TRIO: variants seen among roughly 807,000 people sequenced by gnomAD.
TRIO encodes the protein triple functional domain protein.
A neutral mutation model predicts 351.9 loss-of-function variants in TRIO; 58 were observed. The observed-to-expected ratio is 0.16, with a 90% CI of 0.13 to 0.21. TRIO has a LOEUF of 0.21. TRIO is among the 10% of genes least tolerant of loss of function. TRIO has a pLI of 1.00. For synonymous variants in TRIO, 1,758 were observed against 1,595.7 expected (o/e 1.10, Z -2.42); for missense variants, 3,201 against 4,027.8 (o/e 0.79, Z 5.56).
At chr5:14,410,094 G>A (rs1193704797) in intron 33 of TRIO, among the ~76,000 whole-genome samples, 1 of 152,208 alleles carries the variant, frequency 6.6e-6, no homozygotes, top group African/African-American at 2.4e-5. Flanking sequence ...AGCACAGAAA[G>A]GATGAAATGT....
At chr5:14,289,806 G>A (rs761732146) in intron 4 of TRIO, among the ~76,000 whole-genome samples, 6 of 151,650 alleles carry the variant, frequency 4.0e-5, no homozygotes, top group African/African-American at 7.3e-5. Context: ...CTGAGACTGC[G>A]CCACTGCACT....
chr5:14,185,011 C>A (rs1019133869), intron 1 of TRIO, among the ~76,000 whole-genome samples: 1 of 152,150 alleles, frequency 6.6e-6, no homozygotes. Flanking sequence ...CCATCTCAGT[C>A]GTCCATGACT....
chr5:14,149,650 C>T lies in TRIO; in HGVS notation c.157+5768C>T, dbSNP rs1243742816. On this transcript the variant is annotated intron_variant, in intron 1 of 56. Transcript: ENST00000344204. ...GCAGAGGGGCTGTGGAAATGTAAAACCTCGTTTTGGTGATGAACATACTTG... is the reference window on the plus strand; with the variant it reads ...GCAGAGGGGCTGTGGAAATGTAAAATCTCGTTTTGGTGATGAACATACTTG... Among the ~76,000 whole-genome samples, 3 of 152,144 alleles carry T rather than the reference C, an allele frequency of 2.0e-5. No individual in the cohort carries two copies. In the East Asian group the frequency reaches 5.8e-4, roughly 29 times the overall value.
chr5:14,472,467 TA>T (rs1754759621), intron 38 of TRIO, 124 bp from the exon 39 acceptor site: 3 of 1,028,668 alleles, frequency 2.9e-6, no homozygotes, highest in South Asian at 3.2e-5. Context: ...ATTTAACACC[TA>T]AATGTACAAA....
chr5:14,191,568 T>C (rs1443324966), intron 1 of TRIO, among the ~76,000 whole-genome samples: 1 of 149,534 alleles, frequency 6.7e-6, no homozygotes, highest in Non-Finnish European at 1.5e-5. Flanking sequence ...GTAGTAGTAG[T>C]ACATCTTCTA....
intron 16 of TRIO, among the ~76,000 whole-genome samples, chr5:14,367,824 C>T (rs938116372): frequency 1.1e-4 from 16 of 152,286 alleles, no homozygotes; most frequent in African/African-American, 3.6e-4. Flanking sequence ...CATGCATTAA[C>T]ACCTCTTCCT....
intron 9 of TRIO, among the ~76,000 whole-genome samples, chr5:14,329,555 T>C (rs1368879354): frequency 2.6e-5 from 4 of 152,204 alleles, no homozygotes; most frequent in African/African-American, 7.2e-5. Context: ...AAGCCCTACA[T>C]TTCTGTTGTT....
intron 34 of TRIO, among the ~76,000 whole-genome samples, chr5:14,440,022 G>T (rs1448635658): frequency 5.3e-5 from 8 of 152,138 alleles, no homozygotes; most frequent in Non-Finnish European, 1.2e-4. Context: ...TGGAGGTGGG[G>T]ACAAAACCAA....
chr5:14,235,343 C>A (rs912711983), intron 1 of TRIO, among the ~76,000 whole-genome samples: 8 of 152,164 alleles, frequency 5.3e-5, no homozygotes, highest in African/African-American at 1.9e-4. Flanking sequence ...AAAATTTAGG[C>A]TCTGGGTTGA....
chr5:14,326,874 C>A (rs1195939010), intron 9 of TRIO, among the ~76,000 whole-genome samples: 1 of 152,168 alleles, frequency 6.6e-6, no homozygotes, highest in African/African-American at 2.4e-5. Context: ...GAATCAACAG[C>A]CTCATGGGGA....
Position 14,291,166 on chromosome 5 carries a change from G to T in TRIO, c.991G>T (p.Val331Leu). The T allele has an allele frequency of 6.2e-7, 1 of 1,614,206 alleles. No individual in the cohort carries two copies. The highest frequency in any genetic ancestry group is 1.1e-5 in the South Asian group (1 of 91,082). ...TRQHLHQMWHVRKLKLDQCFQ... is the reference protein window; with the variant it reads ...TRQHLHQMWHLRKLKLDQCFQ... Reference sequence around the variant, plus strand: ...GCAGCATCTGCACCAGATGTGGCATGTGAGGAAGCTGAAGCTGGACCAGTG... The same window carrying T: ...GCAGCATCTGCACCAGATGTGGCATTTGAGGAAGCTGAAGCTGGACCAGTG... The change falls in exon 5 of 57, where the codon GTG becomes TTG. Residue 331 changes from valine to leucine, a missense_variant. This residue lies in a region of TRIO where 349 missense variants were observed against 449.3 expected (regional missense o/e 0.78). Transcript: ENST00000344204.
chr5:14,414,161 C>A (rs77119015), intron 33 of TRIO, among the ~76,000 whole-genome samples: 1 of 152,204 alleles, frequency 6.6e-6, no homozygotes, highest in East Asian at 1.9e-4. Flanking sequence ...TTTGCCTCTT[C>A]CCCGCCCTCG....
chr5:14,316,680 A>G lies in TRIO; in HGVS notation c.1668A>G (p.Gln556=), dbSNP rs142459776. 1.5e-5 allele frequency: 25 copies of G among 1,614,206 alleles called. No individual in the cohort carries two copies. The African/African-American group carries it at 2.4e-4, about 15-fold the overall frequency. The change falls in exon 9 of 57, where the codon CAA becomes CAG. Residue 556 remains glutamine, a synonymous_variant. Transcript: ENST00000344204. ...AGCGGCAGCTGGAGAACATCTGGCA[A>G]CACCGCAAGGTCCGGCTGCATCAGA... The part of the protein sequence containing the change: ...HHQRQLENIW[Q]HRKVRLHQRL...
intron 7 of TRIO, among the ~76,000 whole-genome samples, chr5:14,302,422 AC>A (rs1737983122): frequency 6.6e-6 from 1 of 152,210 alleles, no homozygotes; most frequent in African/African-American, 2.4e-5. Context: ...TGTTTGAAAA[AC>A]AATAATTTAA....
chr5:14,286,735 C>A lies in TRIO; in HGVS notation c.348-136C>A. On this transcript the variant is annotated intron_variant, in intron 3 of 56. Transcript: ENST00000344204. The surrounding 1 kb of genome is among the most constrained non-coding windows in gnomAD (Gnocchi z 4.4). ...GGGAGGGACGAGAAGGAGCTGAGCA[C>A]AGTGTGCTCCTTCCCCTGCCTCCGC... The A allele has an allele frequency of 2.4e-6, 2 of 818,814 alleles. No homozygotes were observed. Among genetic ancestry groups the A allele is most frequent in the Non-Finnish European group, 3.8e-6 (2 of 530,442 alleles). 50.7% of individuals were successfully genotyped at this position (818,814 alleles called of 1,614,324 possible). A position where few individuals can be genotyped will look rare whatever the true frequency, so the allele number is the denominator to read the frequency against.
intron 33 of TRIO, among the ~76,000 whole-genome samples, chr5:14,409,098 A>G (rs1407412273): frequency 1.3e-5 from 2 of 152,112 alleles, no homozygotes; most frequent in Non-Finnish European, 2.9e-5. Flanking sequence ...TGCTGGTGCC[A>G]CGACTTATCT....
At position 14,278,867 on chromosome 5, in the gene TRIO, T is replaced by C. The variant is rs76890757; in HGVS notation, c.233-1455T>C. 1.6e-4 allele frequency among the ~76,000 whole-genome samples: 25 copies of C among 152,326 alleles called. 1 individual carries two copies. The East Asian group carries it at 4.8e-3, about 29-fold the overall frequency. ...TTATTTAGTTATCTCTGTGACATTTTTACTACTAAAAAAGAAGTAAAGCCA... is the reference window on the plus strand; with the variant it reads ...TTATTTAGTTATCTCTGTGACATTTCTACTACTAAAAAAGAAGTAAAGCCA... On this transcript the variant is annotated intron_variant, in intron 2 of 56. Transcript: ENST00000344204.
intron 9 of TRIO, among the ~76,000 whole-genome samples, chr5:14,328,337 A>C (rs995886440): frequency 6.6e-6 from 1 of 152,264 alleles, no homozygotes; most frequent in South Asian, 2.1e-4. Flanking sequence ...AAAACAATGC[A>C]CTGAATACGC....
intron 52 of TRIO, 114 bp downstream of exon 52, chr5:14,498,365 A>G (rs1757039790): frequency 6.6e-7 from 1 of 1,515,952 alleles, no homozygotes; most frequent in Non-Finnish European, 8.9e-7. Context: ...TCGGCACTCC[A>G]CTTCTTCCGT....
Sources: gnomAD v4.1 joint callset for allele counts (sites outside exome capture counted in the v4.1 genomes callset) on GRCh38, gnomAD v4.1.1 for gene constraint, gnomAD v4.1.1 regional missense constraint, Gnocchi (gnomAD v3.1) non-coding constraint, MANE v1.5 for transcripts, NCBI Gene and HGNC (gene_info 2026-07-23, HGNC 2026-07-21) for gene names.